WDR11: variants seen among roughly 807,000 people sequenced by gnomAD.
WDR11 encodes the protein WD repeat domain 11, also known as WD repeat-containing protein 11.
In WDR11, 83 loss-of-function variants were observed where a neutral mutation model predicts 151.2. The ratio of observed to expected loss-of-function variants is 0.55; its 90% CI spans 0.46 to 0.66. WDR11 has a LOEUF of 0.66. WDR11 is among the 30% of genes least tolerant of loss of function. WDR11 has a pLI of 0.00. For missense variants in WDR11, 1,301 were observed against 1,480.9 expected (o/e 0.88, Z 1.99); for synonymous variants, 484 against 533.1 (o/e 0.91, Z 1.27).
Position 120,890,874 on chromosome 10 carries a change from A to G in WDR11, c.2502A>G (p.Glu834=), listed in dbSNP as rs757391796. The change falls in exon 19 of 29, where the codon GAA becomes GAG. Residue 834 remains glutamate, a synonymous_variant. Transcript: ENST00000263461. ...SMKSACFRMD[E]QELTEPVWCP... Reference sequence around the variant, plus strand: ...AGTCTGCGTGCTTTAGAATGGATGAACAAGAGTTAACCGGTATGGAATCCT... The same window carrying G: ...AGTCTGCGTGCTTTAGAATGGATGAGCAAGAGTTAACCGGTATGGAATCCT... 1.2e-6 allele frequency: 2 copies of G among 1,614,130 alleles called. No homozygotes were observed. The highest frequency in any genetic ancestry group is 1.7e-6 in the Non-Finnish European group (2 of 1,180,016).
In WDR11 at chr10:120,906,580, A is replaced by T. The variant is rs558879461; in HGVS notation, c.3438-196A>T. On this transcript the variant is annotated intron_variant, in intron 27 of 28. Coordinates refer to ENST00000263461, the MANE Select transcript of WDR11 (RefSeq NM_018117.12). Reference sequence around the variant, plus strand: ...CACAATTTTTTAAAGTATTAATTTTAAAAAGCTTGTGTTTGGAGATGTGAG... The same window carrying T: ...CACAATTTTTTAAAGTATTAATTTTTAAAAGCTTGTGTTTGGAGATGTGAG... 124 of 1,436,676 alleles carry T rather than the reference A, an allele frequency of 8.6e-5. No individual in the cohort carries two copies. The African/African-American group carries it at 1.7e-3, about 20-fold the overall frequency. The allele number at this position is 1,436,676 out of a possible 1,614,324, so 89.0% of individuals were successfully genotyped here. A position where few individuals can be genotyped will look rare whatever the true frequency, so the allele number is the denominator to read the frequency against.
chr10:120,901,247 C>T (rs923982112), intron 21 of WDR11, 149 bp downstream of exon 21: 3 of 727,698 alleles, frequency 4.1e-6, no homozygotes, highest in African/African-American at 3.6e-5. Flanking sequence ...GTTTGCTTCC[C>T]GTTAGAGTCT....
At position 120,880,899 on chromosome 10, in the gene WDR11, G is replaced by A. The variant is rs200063993; in HGVS notation, c.1737G>A (p.Leu579=). The A allele has an allele frequency of 1.3e-6, 2 of 1,592,788 alleles. No homozygotes were observed. The highest frequency in any genetic ancestry group is 8.6e-7 in the Non-Finnish European group (1 of 1,166,490). Reference sequence around the variant, plus strand: ...TCGAAATGATTAAAGTATCTCATTTGAAGTAAGTGTCAACCTAAAAAAAAA... The same window carrying A: ...TCGAAATGATTAAAGTATCTCATTTAAAGTAAGTGTCAACCTAAAAAAAAA... The part of the protein sequence containing the change: ...SAIEMIKVSH[L]KQYLAVVFRD... The change falls in exon 13 of 29, where the codon TTG becomes TTA. Residue 579 remains leucine (L), a splice_region_variant and synonymous_variant. Coordinates refer to ENST00000263461, the MANE Select transcript of WDR11 (RefSeq NM_018117.12).
At chr10:120,876,683 T>C (rs544764452) in intron 11 of WDR11, among the ~76,000 whole-genome samples, 1 of 152,332 alleles carries the variant, frequency 6.6e-6, no homozygotes, top group African/African-American at 2.4e-5. Context: ...TTTCCTTTTA[T>C]GGTCAGCACT....
Position 120,862,777 on chromosome 10 carries a change from C to T in WDR11, c.569C>T (p.Pro190Leu). ...ATTGTTTTCATCTCAGACTTCTCCC[C>T]ATCCAAGCCTCCCTCAGGCCCTGGG... ...EGIVFISDFS[P>L]SKPPSGPGKK... The change falls in exon 5 of 29, where the codon CCA becomes CTA. Residue 190 changes from proline (P) to leucine (L), a missense_variant. Transcript: ENST00000263461. 1 of 1,614,144 alleles carries T rather than the reference C, an allele frequency of 6.2e-7. No homozygotes were observed. Among genetic ancestry groups the T allele is most frequent in the Non-Finnish European group, 8.5e-7 (1 of 1,180,022 alleles).
intron 7 of WDR11, among the ~76,000 whole-genome samples, chr10:120,865,990 C>T (rs1427554395): frequency 6.6e-6 from 1 of 151,456 alleles, no homozygotes; most frequent in African/African-American, 2.4e-5. Flanking sequence ...TATCCATGAG[C>T]CAAGTAGATA....
chr10:120,865,644 T>A lies in WDR11; in HGVS notation c.894T>A (p.Phe298Leu). 1 of 1,609,212 alleles carries A rather than the reference T, an allele frequency of 6.2e-7. No individual in the cohort carries two copies. The highest frequency in any genetic ancestry group is 2.2e-5 in the East Asian group (1 of 44,726). ...TCTATTTAAAGGTAATACCCTGCTT[T>A]CAGCGTGATGGTTTATTTTGTCTAC... ...GVPFLQVIPC[F>L]QRDGLFCLHE... Residue 298 changes from phenylalanine to leucine, a missense_variant, in exon 7 of 29, where the codon TTT (phenylalanine) becomes TTA (leucine). Physicochemically the swap from Phe to Leu is conservative, Grantham distance 22. Transcript: ENST00000263461.
At chr10:120,887,517 G>A (rs1847262950) in intron 16 of WDR11, among the ~76,000 whole-genome samples, 1 of 152,202 alleles carries the variant, frequency 6.6e-6, no homozygotes, top group Non-Finnish European at 1.5e-5. Flanking sequence ...AAAATGGAAT[G>A]CTCTAGTAGA....
intron 14 of WDR11, chr10:120,884,897 A>T (rs1847161577): frequency 6.6e-6 from 1 of 152,244 alleles, no homozygotes; most frequent in Admixed American, 6.5e-5. Flanking sequence ...CATGATATGG[A>T]TCTACCGTTT....
intron 10 of WDR11, 61 bp from the exon 11 acceptor site, chr10:120,873,778 T>C: frequency 1.7e-6 from 2 of 1,175,134 alleles, no homozygotes; most frequent in Non-Finnish European, 2.6e-6. Context: ...GAAAAGACTT[T>C]TCTTGCAAAG....
At chr10:120,891,155 G>T (rs1170320208) in intron 19 of WDR11, among the ~76,000 whole-genome samples, 1 of 152,138 alleles carries the variant, frequency 6.6e-6, no homozygotes, top group Non-Finnish European at 1.5e-5. Context: ...CAAGATAAAA[G>T]ATGTTTATGT....
chr10:120,881,997 AT>A (rs1297606617), intron 13 of WDR11, among the ~76,000 whole-genome samples: 1 of 152,028 alleles, frequency 6.6e-6, no homozygotes, highest in Non-Finnish European at 1.5e-5. Context: ...TTTTTTGTAT[AT>A]TTCCTTTATC....
At position 120,867,076 on chromosome 10, in the gene WDR11, G is replaced by A. The variant is rs755091953; in HGVS notation, c.1201G>A (p.Val401Met). 26 of 1,613,200 alleles carry A rather than the reference G, an allele frequency of 1.6e-5. No individual in the cohort carries two copies. Among genetic ancestry groups the A allele is most frequent in the Non-Finnish European group, 2.2e-5 (26 of 1,179,452 alleles). The change falls in exon 9 of 29, where the codon GTG (valine) becomes ATG (methionine). Residue 401 changes from valine (V) to methionine (M), a missense_variant. Val to Met is a conservative substitution (Grantham distance 21, BLOSUM62 1). This residue lies in a region of WDR11 where 692 missense variants were observed against 762.5 expected (regional missense o/e 0.91). Coordinates refer to ENST00000263461, the MANE Select transcript of WDR11 (RefSeq NM_018117.12). ...ATTATGTCTTTGCAGTAGTTCTGGT[G>A]TGTCACCTTTATATTCACCAGTGTC... is the stretch of plus-strand genomic sequence containing the variant. ...NRNSRNSSSGVSPLYSPVSFC... is the reference protein window; with the variant it reads ...NRNSRNSSSGMSPLYSPVSFC...
intron 25 of WDR11, among the ~76,000 whole-genome samples, chr10:120,905,042 A>G (rs1428213094): frequency 2.0e-5 from 3 of 152,244 alleles, no homozygotes; most frequent in African/African-American, 7.2e-5. Context: ...TAATAGGCAT[A>G]AATCCAACAA....
Position 120,871,279 on chromosome 10 carries a change from T to G in WDR11, c.1404T>G (p.Phe468Leu), listed in dbSNP as rs770125070. ...TTTCAGGACTGCCCGCACCACAGTT[T>G]GCTATTCGTATGTGTCCACCGTTGA... ...GLLSGLPAPQ[F>L]AIRMCPPLTT... The change falls in exon 10 of 29, where the codon TTT (phenylalanine) becomes TTG (leucine). Residue 468 changes from phenylalanine (F) to leucine (L), a missense_variant. Phe to Leu is a conservative substitution (Grantham distance 22). Coordinates refer to ENST00000263461, the MANE Select transcript of WDR11 (RefSeq NM_018117.12). 3.7e-6 allele frequency: 6 copies of G among 1,614,154 alleles called. No homozygotes were observed. Among genetic ancestry groups the G allele is most frequent in the Non-Finnish European group, 5.1e-6 (6 of 1,180,020 alleles).
chr10:120,904,827 T>TA lies in WDR11; in HGVS notation c.3193+17dup, dbSNP rs1847971559. ...AAATTGGCAGGTAAGGCACACTTGA[T>TA]ATGTTTGTCATCTCTCTGAAAAATG... On this transcript the variant is annotated intron_variant, in intron 25 of 28. Transcript: ENST00000263461. The TA allele has an allele frequency of 6.2e-7, 1 of 1,614,120 alleles. No individual in the cohort carries two copies. The highest frequency in any genetic ancestry group is 1.3e-5 in the African/African-American group (1 of 75,038).
chr10:120,877,101 C>T (rs1173483909), intron 11 of WDR11, among the ~76,000 whole-genome samples: 1 of 152,140 alleles, frequency 6.6e-6, no homozygotes, highest in Non-Finnish European at 1.5e-5. Context: ...GCTAATTAAT[C>T]AGAGAGGTAT....
In WDR11 at chr10:120,875,102, G is replaced by T. The variant is rs1017833374; in HGVS notation, c.1556+1179G>T. On this transcript the variant is annotated intron_variant, in intron 11 of 28. Transcript: ENST00000263461. ...GTTCCTCTGTTAGTCTGCTGAGAAT[G>T]ATGGCTTCCAGTTTCATCCATGTCC... Among the ~76,000 whole-genome samples the T allele has an allele frequency of 1.8e-4, 27 of 152,092 alleles. 1 individual carries two copies. Among genetic ancestry groups the T allele is most frequent in the African/African-American group, 6.5e-4 (27 of 41,410 alleles).
chr10:120,905,185 T>C lies in WDR11; in HGVS notation c.3194-134T>C, dbSNP rs1482885859. On this transcript the variant is annotated intron_variant, in intron 25 of 28. Coordinates refer to ENST00000263461, the MANE Select transcript of WDR11 (RefSeq NM_018117.12). ...AAACTCTTAATATTATGTTTCAGAATTTAAATCAAGAATGTCTTCAGTAGG... is the reference window on the plus strand; with the variant it reads ...AAACTCTTAATATTATGTTTCAGAACTTAAATCAAGAATGTCTTCAGTAGG... 4 of 861,846 alleles carry C rather than the reference T, an allele frequency of 4.6e-6. No individual in the cohort carries two copies. In the African/African-American group the frequency reaches 6.7e-5, roughly 14 times the overall value. The allele number at this position is 861,846 out of a possible 1,614,324, so 53.4% of individuals were successfully genotyped here.
Sources: gnomAD v4.1 joint callset for allele counts (sites outside exome capture counted in the v4.1 genomes callset) on GRCh38, gnomAD v4.1.1 for gene constraint, gnomAD v4.1.1 regional missense constraint, MANE v1.5 for transcripts, NCBI Gene and HGNC (gene_info 2026-07-23, HGNC 2026-07-21) for gene names.